Variants in KLF12 observed in about 807,000 individuals in gnomAD.
KLF12 encodes KLF transcription factor 12, also known as Krueppel-like factor 12.
KLF12 carries 9 observed loss-of-function variants against 37.8 expected under a neutral mutation model. The observed-to-expected ratio is 0.24, with a 90% CI of 0.14 to 0.42. The LOEUF is 0.42. Among genes scored for constraint, KLF12 ranks in the 10% least tolerant of loss-of-function variants. The pLI is 1.00. For synonymous variants in KLF12, 208 were observed against 202.1 expected (o/e 1.03, Z -0.25); for missense variants, 411 against 516.0 (o/e 0.80, Z 1.97).
At chr13:73,721,421 C>G (rs969630273) in intron 6 of KLF12, among the ~76,000 whole-genome samples, 2 of 152,160 alleles carry the variant, frequency 1.3e-5, no homozygotes, top group Non-Finnish European at 2.9e-5. Flanking sequence ...TTGAATATAG[C>G]CTGCAACGAT....
chr13:74,225,511 C>T, the KLF12 span, among the ~76,000 whole-genome samples: 2 of 151,324 alleles, frequency 1.3e-5, no homozygotes, highest in South Asian at 2.1e-4. Flanking sequence ...TGCGATTATT[C>T]CTAAAGGGTA....
At chr13:73,897,030 G>T (rs1197400735) in intron 3 of KLF12, among the ~76,000 whole-genome samples, 1 of 152,094 alleles carries the variant, frequency 6.6e-6, no homozygotes, top group Non-Finnish European at 1.5e-5. Flanking sequence ...TTCAGATCTA[G>T]CAAGTCTATC....
At chr13:74,141,347 A>T in the KLF12 span, among the ~76,000 whole-genome samples, 1 of 152,190 alleles carries the variant, frequency 6.6e-6, no homozygotes, top group Non-Finnish European at 1.5e-5. Flanking sequence ...AGCTAAAATG[A>T]ATTAGATAGC....
intron 4 of KLF12, among the ~76,000 whole-genome samples, chr13:73,843,191 A>ATT (rs1884834441): frequency 1.3e-5 from 2 of 152,186 alleles, no homozygotes; most frequent in South Asian, 4.1e-4. Flanking sequence ...ACTTGTTTTT[A>ATT]TAAAAAAGAG....
chr13:73,895,143 C>G (rs182014290), intron 3 of KLF12, among the ~76,000 whole-genome samples: 1 of 152,300 alleles, frequency 6.6e-6, no homozygotes, highest in Non-Finnish European at 1.5e-5. Flanking sequence ...GTAGATTCAT[C>G]ATTGCTGGAT....
At chr13:74,136,849 T>C (rs181068054), upstream of KLF12, among the ~76,000 whole-genome samples, 244 of 151,384 alleles carry the variant, frequency 1.6e-3, no homozygotes, top group Middle Eastern at 7.1e-3. Flanking sequence ...TTGACAGATA[T>C]GGAGTAGAAA....
chr13:74,283,072 A>C, the KLF12 span, among the ~76,000 whole-genome samples: 1 of 152,230 alleles, frequency 6.6e-6, no homozygotes, highest in South Asian at 2.1e-4. Context: ...AATTCACAAT[A>C]TTTCTCTACC....
the KLF12 span, among the ~76,000 whole-genome samples, chr13:74,248,195 C>T: frequency 6.6e-6 from 1 of 152,060 alleles, no homozygotes; most frequent in Non-Finnish European, 1.5e-5. Context: ...CAGTTTGATT[C>T]TTGTGAGTTT....
the KLF12 span, among the ~76,000 whole-genome samples, chr13:74,233,753 A>G: frequency 6.6e-6 from 1 of 152,246 alleles, no homozygotes; most frequent in Non-Finnish European, 1.5e-5. Context: ...CCTTATGGAC[A>G]TCTTCAGATC....
At chr13:73,903,770 G>A (rs1235715433) in intron 3 of KLF12, among the ~76,000 whole-genome samples, 2 of 152,198 alleles carry the variant, frequency 1.3e-5, no homozygotes, top group South Asian at 2.1e-4. Context: ...GTGGGCCAGT[G>A]AGCCTTTCTG....
At chr13:74,178,005 G>T in the KLF12 span, among the ~76,000 whole-genome samples, 1 of 152,184 alleles carries the variant, frequency 6.6e-6, no homozygotes, top group African/African-American at 2.4e-5. Flanking sequence ...TGCATTAGGG[G>T]TTGCATTTTC....
At chr13:74,034,079 T>A (rs183945496) in intron 1 of KLF12, among the ~76,000 whole-genome samples, 202 of 152,316 alleles carry the variant, frequency 1.3e-3, no homozygotes, top group Non-Finnish European at 1.2e-3. Flanking sequence ...TTTTTGTTTT[T>A]TGAGACAGAG....
At chr13:74,013,524 TAAC>T (rs1236082422) in intron 1 of KLF12, among the ~76,000 whole-genome samples, 4 of 152,320 alleles carry the variant, frequency 2.6e-5, no homozygotes, top group East Asian at 1.9e-4. Context: ...ACTCCTATAG[TAAC>T]AACAACAACA....
In KLF12 at chr13:73,688,210, C is replaced by A. The variant is rs971200856; in HGVS notation, c.*7280G>T. 1 of 152,598 alleles carries A rather than the reference C, an allele frequency of 6.6e-6. No individual in the cohort carries two copies. The highest frequency in any genetic ancestry group is 2.4e-5 in the African/African-American group (1 of 41,444). The allele number at this position is 152,598 out of a possible 1,614,324, so 9.5% of individuals were successfully genotyped here. The stretch of plus-strand genomic sequence containing the variant: ...ATACTGTCAGAGACCTTGTTCTACA[C>A]AGAAAGTGGGAGGAATTTCATTTCT... On this transcript the variant is annotated 3_prime_UTR_variant, in exon 8 of 8. Transcript: ENST00000377669.
At chr13:73,706,394 T>C in intron 7 of KLF12, among the ~76,000 whole-genome samples, 1 of 152,350 alleles carries the variant, frequency 6.6e-6, no homozygotes, top group African/African-American at 2.4e-5. Context: ...ATCAACTGTT[T>C]TTTAAATAAA....
rs188629864 is a variant in KLF12, at chr13:73,835,257, T to G, written c.670+10570A>C. Among the ~76,000 whole-genome samples the G allele has an allele frequency of 2.2e-3, 342 of 152,150 alleles. 6 individuals carry two copies. The highest frequency in any genetic ancestry group is 0.019 in the Admixed American group (296 of 15,286). ...CCGGGGGCATGGAAGAAAAAATAAT[T>G]AGGGGCATGGTAGAAAAAATAACTA... On this transcript the variant is annotated intron_variant, in intron 4 of 7. Transcript: ENST00000377669.
chr13:73,789,709 C>T (rs1881553377), intron 5 of KLF12, among the ~76,000 whole-genome samples: 1 of 150,680 alleles, frequency 6.6e-6, no homozygotes, highest in Admixed American at 6.6e-5. Flanking sequence ...CAGAGTCTCG[C>T]TCTGTCGCCC....
chr13:74,053,405 TG>T (rs60024691), intron 1 of KLF12, among the ~76,000 whole-genome samples: 106,749 of 152,008 alleles, frequency 0.7, 37,725 homozygotes, highest in East Asian at 0.85. Context: ...ACAACAAGGA[TG>T]ATCATGTGTC....
At chr13:73,988,835 T>C (rs1239751660) in intron 2 of KLF12, among the ~76,000 whole-genome samples, 1 of 152,250 alleles carries the variant, frequency 6.6e-6, no homozygotes. Context: ...TAAAAACAGC[T>C]ATTTTAATGA....
Sources: allele counts gnomAD v4.1 joint callset (sites outside exome capture counted in the v4.1 genomes callset), GRCh38; gene constraint gnomAD v4.1.1; transcripts MANE v1.5; gene names NCBI Gene and HGNC (gene_info 2026-07-23, HGNC 2026-07-21).